The following IL2RA variants were observed in gnomAD, a reference collection of about 807,000 sequenced individuals.
The protein encoded by IL2RA is interleukin-2 receptor subunit alpha.
A neutral mutation model predicts 37.8 loss-of-function variants in IL2RA; 24 were observed. The observed-to-expected ratio is 0.63, with a 90% CI of 0.46 to 0.89. IL2RA has a LOEUF of 0.89. Ranked by LOEUF, IL2RA falls within the 40% of genes least tolerant of loss-of-function variation. The pLI is 0.00. For missense variants in IL2RA, 319 were observed against 348.6 expected (o/e 0.92, Z 0.68); for synonymous variants, 125 against 114.6 (o/e 1.09, Z -0.58).
At chr10:6,026,839 T>C (rs1839491247) in intron 1 of IL2RA, among the ~76,000 whole-genome samples, 1 of 152,146 alleles carries the variant, frequency 6.6e-6, no homozygotes, top group South Asian at 2.1e-4. Flanking sequence ...GGCCTCTCCG[T>C]CAATGGAAGC....
In IL2RA at chr10:6,046,328, G is replaced by A. The variant is rs1257388802; in HGVS notation, c.64+15760C>T. On this transcript the variant is annotated intron_variant, in intron 1 of 7. Coordinates refer to ENST00000379959, the MANE Select transcript of IL2RA (RefSeq NM_000417.3). This position sits in a 1 kb window ranked among gnomAD's most constrained non-coding sequence, Gnocchi z 4.8. ...TCCTGGCGCTTTCAGATACTACCAT[G>A]ATCTGCTAGTCTACTGTGATTTTGC... Among the ~76,000 whole-genome samples the A allele has an allele frequency of 6.6e-6, 1 of 152,176 alleles. No homozygotes were observed. Among genetic ancestry groups the A allele is most frequent in the Non-Finnish European group, 1.5e-5 (1 of 68,038 alleles).
At position 6,029,761 on chromosome 10, in the gene IL2RA, G is replaced by A. The variant is rs2132864885; in HGVS notation, c.65-3736C>T. Among the ~76,000 whole-genome samples, 1 of 152,154 alleles carries A rather than the reference G, an allele frequency of 6.6e-6. No individual in the cohort carries two copies. Among genetic ancestry groups the A allele is most frequent in the Non-Finnish European group, 1.5e-5 (1 of 68,006 alleles). On this transcript the variant is annotated intron_variant, in intron 1 of 7. Transcript: ENST00000379959. The surrounding 1 kb of genome is among the most constrained non-coding windows in gnomAD (Gnocchi z 4.6). The stretch of plus-strand genomic sequence containing the variant: ...GCTCTGTTGCCCAGGCTGGAGTGCA[G>A]TGGCACAATCTTGGCTCACTGAAAC...
In IL2RA at chr10:6,062,240, G is replaced by T. The variant is rs74162091; in HGVS notation, c.-89C>A. 3 of 1,128,798 alleles carry T rather than the reference G, an allele frequency of 2.7e-6. No individual in the cohort carries two copies. Among genetic ancestry groups the T allele is most frequent in the Non-Finnish European group, 4.0e-6 (3 of 744,158 alleles). The allele number at this position is 1,128,798 out of a possible 1,614,324, so 69.9% of individuals were successfully genotyped here. A position where few individuals can be genotyped will look rare whatever the true frequency, so the allele number is the denominator to read the frequency against. The stretch of plus-strand genomic sequence containing the variant: ...TTGCCGTCAGCCTCTTTTTGGCATC[G>T]CGCCGGAGGATGTGGGATGGGAAGA... On this transcript the variant is annotated 5_prime_UTR_variant, in exon 1 of 8. Transcript: ENST00000379959.
In IL2RA at chr10:6,028,038, G is replaced by A. The variant is rs1302690217; in HGVS notation, c.65-2013C>T. On this transcript the variant is annotated intron_variant, in intron 1 of 7. Transcript: ENST00000379959. The surrounding 1 kb of genome is among the most constrained non-coding windows in gnomAD (Gnocchi z 4.1). Reference sequence around the variant, plus strand: ...CAAATGTATACAGCAAGTGCTTTCAGGTGCTGAACAACAGGCAGCTCAGGG... The same window carrying A: ...CAAATGTATACAGCAAGTGCTTTCAAGTGCTGAACAACAGGCAGCTCAGGG... 6.6e-6 allele frequency among the ~76,000 whole-genome samples: 1 copy of A among 152,194 alleles called. No homozygotes were observed. Among genetic ancestry groups the A allele is most frequent in the Admixed American group, 6.5e-5 (1 of 15,286 alleles).
At position 6,033,717 on chromosome 10, in the gene IL2RA, A is replaced by G. The variant is rs1355396282; in HGVS notation, c.65-7692T>C. 1.3e-5 allele frequency among the ~76,000 whole-genome samples: 2 copies of G among 152,260 alleles called. No individual in the cohort carries two copies. Among genetic ancestry groups the G allele is most frequent in the African/African-American group, 2.4e-5 (1 of 41,458 alleles). On this transcript the variant is annotated intron_variant, in intron 1 of 7. Coordinates refer to ENST00000379959, the MANE Select transcript of IL2RA (RefSeq NM_000417.3). This position sits in a 1 kb window ranked among gnomAD's most constrained non-coding sequence, Gnocchi z 4.3. ...TAGTGCATACACTTTGCTTTCATTT[A>G]TATGAAGTTCACAAAAAGACAAAAG...
rs1480601496 is a variant in IL2RA at position 6,021,952 on chromosome 10, G to A, written c.368-259C>T. ...GAAAGGCATGTGAAGGATAGCAGAC[G>A]TTGGCAATGGGAACACAGAGGAATG... On this transcript the variant is annotated intron_variant, in intron 3 of 7. Coordinates refer to ENST00000379959, the MANE Select transcript of IL2RA (RefSeq NM_000417.3). This position sits in a 1 kb window ranked among gnomAD's most constrained non-coding sequence, Gnocchi z 4.9. Among the ~76,000 whole-genome samples the A allele has an allele frequency of 6.6e-6, 1 of 152,112 alleles. No individual in the cohort carries two copies. Among genetic ancestry groups the A allele is most frequent in the Admixed American group, 6.6e-5 (1 of 15,266 alleles).
chr10:6,031,725 A>G lies in IL2RA; in HGVS notation c.65-5700T>C, dbSNP rs574249254. ...TTTAAAAGAATTAAGCAAATGGAAA[A>G]ATATACTATCTTTATAGATTGTAAC... On this transcript the variant is annotated intron_variant, in intron 1 of 7. Coordinates refer to ENST00000379959, the MANE Select transcript of IL2RA (RefSeq NM_000417.3). Among the ~76,000 whole-genome samples, 16 of 151,974 alleles carry G rather than the reference A, an allele frequency of 1.1e-4. No individual in the cohort carries two copies. The East Asian group carries it at 2.5e-3, about 24-fold the overall frequency.
In IL2RA at chr10:6,054,267, C is replaced by T. The variant is rs544844134; in HGVS notation, c.64+7821G>A. Among the ~76,000 whole-genome samples, 1 of 152,294 alleles carries T rather than the reference C, an allele frequency of 6.6e-6. No individual in the cohort carries two copies. Among genetic ancestry groups the T allele is most frequent in the South Asian group, 2.1e-4 (1 of 4,828 alleles). On this transcript the variant is annotated intron_variant, in intron 1 of 7. Transcript: ENST00000379959. The surrounding 1 kb of genome is among the most constrained non-coding windows in gnomAD (Gnocchi z 4.5). Reference sequence around the variant, plus strand: ...AGGACAAAAGCACTGGGACTCCAGCCCTGTGGTGTGCACGTGGCTCGGGCT... The same window carrying T: ...AGGACAAAAGCACTGGGACTCCAGCTCTGTGGTGTGCACGTGGCTCGGGCT...
At chr10:6,042,131 G>A (rs934004741) in intron 1 of IL2RA, among the ~76,000 whole-genome samples, 2 of 31,058 alleles carry the variant, frequency 6.4e-5, no homozygotes, top group African/African-American at 2.3e-4. Context: ...TGCACCTGAT[G>A]CTAGCAATGT....
rs1839395243 is a variant in IL2RA at position 6,021,941 on chromosome 10, G to A, written c.368-248C>T. ...GGATTGGGTAAGAAAGGCATGTGAAGGATAGCAGACGTTGGCAATGGGAAC... is the reference window on the plus strand; with the variant it reads ...GGATTGGGTAAGAAAGGCATGTGAAAGATAGCAGACGTTGGCAATGGGAAC... On this transcript the variant is annotated intron_variant, in intron 3 of 7. Coordinates refer to ENST00000379959, the MANE Select transcript of IL2RA (RefSeq NM_000417.3). This position sits in a 1 kb window ranked among gnomAD's most constrained non-coding sequence, Gnocchi z 4.9. Among the ~76,000 whole-genome samples, 1 of 152,284 alleles carries A rather than the reference G, an allele frequency of 6.6e-6. No homozygotes were observed. Among genetic ancestry groups the A allele is most frequent in the Admixed American group, 6.5e-5 (1 of 15,296 alleles).
chr10:6,045,077 G>A (rs1286141419), intron 1 of IL2RA, among the ~76,000 whole-genome samples: 1 of 152,170 alleles, frequency 6.6e-6, no homozygotes, highest in Non-Finnish European at 1.5e-5. Context: ...AGAAGAAGGC[G>A]GTGTGGTTCA....
intron 1 of IL2RA, among the ~76,000 whole-genome samples, chr10:6,043,700 G>A (rs1309210670): frequency 2.0e-5 from 3 of 152,076 alleles, no homozygotes; most frequent in Non-Finnish European, 4.4e-5. Flanking sequence ...GGCCTCCCAA[G>A]GTGCTGGGAT....
Position 6,020,072 on chromosome 10 carries a change from C to T in IL2RA, c.584-131G>A. ...CAGGAATCCTGGTGTGGGCACTTCGCCAGGGATGCCACCCCTCATGGTTCC... is the reference window on the plus strand; with the variant it reads ...CAGGAATCCTGGTGTGGGCACTTCGTCAGGGATGCCACCCCTCATGGTTCC... On this transcript the variant is annotated intron_variant, in intron 4 of 7. Transcript: ENST00000379959. This position sits in a 1 kb window ranked among gnomAD's most constrained non-coding sequence, Gnocchi z 5.6. The T allele has an allele frequency of 1.4e-6, 1 of 723,476 alleles. No individual in the cohort carries two copies. The highest frequency in any genetic ancestry group is 2.5e-6 in the Non-Finnish European group (1 of 406,262). 44.8% of individuals were successfully genotyped at this position (723,476 alleles called of 1,614,324 possible). A position where few individuals can be genotyped will look rare whatever the true frequency, so the allele number is the denominator to read the frequency against.
intron 6 of IL2RA, among the ~76,000 whole-genome samples, chr10:6,019,194 A>T (rs989073888): frequency 6.6e-6 from 1 of 152,158 alleles, no homozygotes; most frequent in Non-Finnish European, 1.5e-5. Flanking sequence ...CAACCAATCA[A>T]CTAACCTACC....
chr10:6,042,654 T>C (rs1839790249), intron 1 of IL2RA, among the ~76,000 whole-genome samples: 2 of 152,044 alleles, frequency 1.3e-5, no homozygotes, highest in Non-Finnish European at 2.9e-5. Context: ...CCGTAATACA[T>C]AAGGAAGACT....
chr10:6,030,736 T>C (rs1304816348), intron 1 of IL2RA, among the ~76,000 whole-genome samples: 22 of 152,344 alleles, frequency 1.4e-4, no homozygotes, highest in Admixed American at 1.3e-3. Context: ...AAGGCCACTT[T>C]TTGTTTTTAA....
intron 1 of IL2RA, among the ~76,000 whole-genome samples, chr10:6,050,522 T>TA (rs1007854239): frequency 5.3e-5 from 8 of 152,110 alleles, no homozygotes; most frequent in African/African-American, 1.4e-4. Context: ...GGCATGCCTG[T>TA]AATCCCAGCT....
intron 1 of IL2RA, among the ~76,000 whole-genome samples, chr10:6,030,705 G>A (rs12722676): frequency 1.2e-3 from 181 of 152,246 alleles, no homozygotes; most frequent in African/African-American, 3.8e-3. Flanking sequence ...TAAAGAACAC[G>A]TAAATATTTA....
At chr10:6,030,727 A>C (rs538134377) in intron 1 of IL2RA, among the ~76,000 whole-genome samples, 1 of 152,228 alleles carries the variant, frequency 6.6e-6, no homozygotes, top group Non-Finnish European at 1.5e-5. Context: ...ATAAGTGAAA[A>C]GGCCACTTTT....
Sources: allele counts gnomAD v4.1 joint callset (sites outside exome capture counted in the v4.1 genomes callset), GRCh38; gene constraint gnomAD v4.1.1; non-coding constraint Gnocchi (gnomAD v3.1); transcripts MANE v1.5; gene names NCBI Gene and HGNC (gene_info 2026-07-23, HGNC 2026-07-21).